FAM221A: variants seen among roughly 807,000 people sequenced by gnomAD.
FAM221A encodes protein FAM221A.
A neutral mutation model predicts 37.6 loss-of-function variants in FAM221A; 43 were observed. The observed-to-expected ratio is 1.15, with a 90% CI of 0.90 to 1.48. FAM221A has a LOEUF of 1.48. Among genes scored for constraint, FAM221A ranks in the 40% most tolerant of loss-of-function variants. FAM221A has a pLI of 0.00. For missense variants in FAM221A, 361 were observed against 361.5 expected (o/e 1.00, Z 0.01); for synonymous variants, 135 against 132.9 (o/e 1.02, Z -0.11).
intron 4 of FAM221A, chr7:23,693,605 C>T (rs1206533790): frequency 1.3e-5 from 2 of 150,514 alleles, no homozygotes; most frequent in Non-Finnish European, 1.5e-5. Context: ...TTTTTCTTTA[C>T]AGTTTAGAAA....
rs55915239 is a variant in FAM221A, at chr7:23,681,630, A to C, written c.65+1347A>C. On this transcript the variant is annotated intron_variant, in intron 1 of 6. Coordinates refer to ENST00000344962, the MANE Select transcript of FAM221A (RefSeq NM_199136.5). ...ACCACGTTGCCCAGGCTGGTCTTGA[A>C]CTCCTGGACTCAAGCTATCCACCTG... is the stretch of plus-strand genomic sequence containing the variant. Among the ~76,000 whole-genome samples the C allele has an allele frequency of 5.4e-3, 819 of 151,128 alleles. 6 individuals carry two copies. Among genetic ancestry groups the C allele is most frequent in the African/African-American group, 0.019 (777 of 41,152 alleles).
Position 23,698,302 on chromosome 7 carries a change from A to G in FAM221A, c.745+3A>G. 4 of 1,488,652 alleles carry G rather than the reference A, an allele frequency of 2.7e-6. No individual in the cohort carries two copies. Among genetic ancestry groups the G allele is most frequent in the Non-Finnish European group, 3.7e-6 (4 of 1,081,106 alleles). 92.2% of individuals were successfully genotyped at this position (1,488,652 alleles called of 1,614,324 possible). ...TTCTCCAGAAACGTTAACAGATGGT[A>G]ATGAAATGAAGTTTAGAACTGTTTT... On this transcript the variant is annotated splice_donor_region_variant and intron_variant, in intron 5 of 6. Coordinates refer to ENST00000344962, the MANE Select transcript of FAM221A (RefSeq NM_199136.5).
chr7:23,697,237 G>A (rs1212865558), intron 4 of FAM221A, among the ~76,000 whole-genome samples: 2 of 152,222 alleles, frequency 1.3e-5, no homozygotes, highest in Non-Finnish European at 2.9e-5. Context: ...GGCCAGGAGC[G>A]GGGAGAGACT....
rs953557674 is a variant in FAM221A at position 23,680,249 on chromosome 7, G to A, written c.31G>A (p.Ala11Thr). MERLTLPLGG[A>T]AAVDEYLEYR... ...GCGGTTGACGTTGCCTCTCGGCGGCGCGGCGGCGGTGGACGAGTACCTGGA... is the reference window on the plus strand; with the variant it reads ...GCGGTTGACGTTGCCTCTCGGCGGCACGGCGGCGGTGGACGAGTACCTGGA... The change falls in exon 1 of 7, where the codon GCG becomes ACG. Residue 11 changes from alanine to threonine, a missense_variant. By Grantham distance (58) the Ala-to-Thr change is moderately conservative (BLOSUM62 0). Transcript: ENST00000344962. 2.0e-5 allele frequency: 31 copies of A among 1,549,136 alleles called. No homozygotes were observed. In the African/African-American group the frequency reaches 3.2e-4, roughly 16 times the overall value.
chr7:23,681,586 T>C (rs1352900970), intron 1 of FAM221A, among the ~76,000 whole-genome samples: 1 of 152,134 alleles, frequency 6.6e-6, no homozygotes, highest in Non-Finnish European at 1.5e-5. Context: ...TTTTGTATTT[T>C]CTGTAGAGAC....
At chr7:23,695,557 G>A (rs1250059383) in intron 4 of FAM221A, among the ~76,000 whole-genome samples, 2 of 152,212 alleles carry the variant, frequency 1.3e-5, no homozygotes, top group Middle Eastern at 3.4e-3. Flanking sequence ...ATTTTTAGTA[G>A]AGGCATGGTT....
intron 6 of FAM221A, among the ~76,000 whole-genome samples, chr7:23,701,873 A>G (rs1343194435): frequency 6.6e-6 from 1 of 152,234 alleles, no homozygotes; most frequent in Non-Finnish European, 1.5e-5. Flanking sequence ...TTTTCTCTAA[A>G]GCAATATTCA....
intron 1 of FAM221A, among the ~76,000 whole-genome samples, chr7:23,682,454 T>C (rs1784111497): frequency 6.9e-6 from 1 of 145,458 alleles, no homozygotes; most frequent in Admixed American, 6.9e-5. Flanking sequence ...TTTTTTTAGA[T>C]AGAGTCTTGC....
intron 1 of FAM221A, among the ~76,000 whole-genome samples, chr7:23,683,481 T>C (rs1392892080): frequency 1.3e-5 from 2 of 152,184 alleles, no homozygotes; most frequent in African/African-American, 2.4e-5. Flanking sequence ...TTTTGTACTC[T>C]TTTGGGATAC....
At chr7:23,690,199 A>ATTTTTTTT (rs398004023) in intron 3 of FAM221A, among the ~76,000 whole-genome samples, 1,083 of 48,732 alleles carry the variant, frequency 0.022, 26 homozygotes, top group Non-Finnish European at 0.031. Context: ...ATATATATAT[A>ATTTTTTTT]TTTTTTTTTT....
intron 2 of FAM221A, chr7:23,686,267 C>CTT (rs199776307): frequency 4.6e-3 from 1,775 of 385,550 alleles, no homozygotes; most frequent in East Asian, 9.2e-3. Flanking sequence ...TCCAACTCAA[C>CTT]TTTTTTTTTT....
chr7:23,691,884 C>T (rs1784775167), intron 4 of FAM221A, among the ~76,000 whole-genome samples: 1 of 152,080 alleles, frequency 6.6e-6, no homozygotes, highest in South Asian at 2.1e-4. Flanking sequence ...AATACTTGTA[C>T]TCAAATTTGA....
At chr7:23,691,345 A>G in intron 3 of FAM221A, 45 bp from the exon 4 acceptor site, 1 of 1,591,190 alleles carries the variant, frequency 6.3e-7, no homozygotes, top group Non-Finnish European at 8.6e-7. Flanking sequence ...AGGGTAGACA[A>G]CATAGTACCT....
intron 1 of FAM221A, among the ~76,000 whole-genome samples, chr7:23,682,644 C>G (rs1016689973): frequency 2.0e-5 from 3 of 151,310 alleles, no homozygotes; most frequent in Admixed American, 6.6e-5. Flanking sequence ...AGGCTGGGCT[C>G]GAACTCCTGA....
intron 2 of FAM221A, 48 bp downstream of exon 2, chr7:23,684,720 C>G: frequency 6.8e-7 from 1 of 1,472,852 alleles, no homozygotes; most frequent in Non-Finnish European, 9.3e-7. Context: ...AAATAAAAAG[C>G]TAAGCATATC....
intron 1 of FAM221A, among the ~76,000 whole-genome samples, chr7:23,683,685 G>T (rs1271531728): frequency 1.3e-5 from 2 of 152,082 alleles, no homozygotes; most frequent in African/African-American, 2.4e-5. Context: ...TCTTATATAG[G>T]AAGTGGAGGG....
At chr7:23,690,057 C>T (rs4371892) in intron 3 of FAM221A, among the ~76,000 whole-genome samples, 2 of 150,892 alleles carry the variant, frequency 1.3e-5, no homozygotes, top group Non-Finnish European at 2.9e-5. Context: ...GAGTTGAAAT[C>T]TTATGGTGAA....
Position 23,680,209 on chromosome 7 carries a change from C to G in FAM221A, c.-10C>G. 1 of 1,548,900 alleles carries G rather than the reference C, an allele frequency of 6.5e-7. No individual in the cohort carries two copies. The highest frequency in any genetic ancestry group is 8.7e-7 in the Non-Finnish European group (1 of 1,145,506). On this transcript the variant is annotated 5_prime_UTR_variant, in exon 1 of 7. Coordinates refer to ENST00000344962, the MANE Select transcript of FAM221A (RefSeq NM_199136.5). ...GGTCCGCAGGGAAGCCTTTGGCTTC[C>G]CCACCGGCAATGGAGCGGTTGACGT...
At chr7:23,682,343 G>T (rs1271169202) in intron 1 of FAM221A, among the ~76,000 whole-genome samples, 1 of 150,188 alleles carries the variant, frequency 6.7e-6, no homozygotes, top group Non-Finnish European at 1.5e-5. Flanking sequence ...TGGTATTACA[G>T]GTGTGAGCCA....
Sources: allele counts gnomAD v4.1 joint callset (sites outside exome capture counted in the v4.1 genomes callset), GRCh38; gene constraint gnomAD v4.1.1; transcripts MANE v1.5; gene names NCBI Gene and HGNC (gene_info 2026-07-23, HGNC 2026-07-21).